The following HYDIN variants were observed in gnomAD, a reference collection of about 807,000 sequenced individuals.
HYDIN encodes the protein axonemal central pair apparatus protein HYDIN.
Under a neutral mutation model 403.9 loss-of-function variants are expected in HYDIN, and 132 were observed. The observed-to-expected ratio is 0.33, with a 90% CI of 0.28 to 0.38. HYDIN has a LOEUF of 0.38. HYDIN is among the 10% of genes least tolerant of loss of function. The pLI, the probability that HYDIN is intolerant of heterozygous loss-of-function variation, is 1.00. For synonymous variants in HYDIN, 1,202 were observed against 1,891.7 expected (o/e 0.64, Z 9.46); for missense variants, 2,827 against 5,009.5 (o/e 0.56, Z 13.15).
At position 70,980,684 on chromosome 16, in the gene HYDIN, G is replaced by A. The variant is rs181214141; in HGVS notation, c.4510+707C>T. Among the ~76,000 whole-genome samples, 142 of 151,956 alleles carry A rather than the reference G, an allele frequency of 9.3e-4. 1 individual carries two copies. The highest frequency in any genetic ancestry group is 3.3e-3 in the African/African-American group (137 of 41,482). On this transcript the variant is annotated intron_variant, in intron 29 of 85. Coordinates refer to ENST00000393567, the MANE Select transcript of HYDIN (RefSeq NM_001270974.2). ...GCTGGGTGGGAGGACTTAGTCTGAA[G>A]CTTTTTAGGGAAAGTAGATTTCAAG...
intron 5 of HYDIN, among the ~76,000 whole-genome samples, chr16:71,169,508 T>A (rs1009617681): frequency 5.3e-5 from 8 of 152,178 alleles, no homozygotes; most frequent in Non-Finnish European, 8.8e-5. Flanking sequence ...GGAAATTCCA[T>A]CATTTGTGAC....
chr16:70,938,135 G>A (rs28617242), intron 44 of HYDIN, among the ~76,000 whole-genome samples: 10,965 of 151,884 alleles, frequency 0.072, 286 homozygotes, highest in African/African-American at 0.25. Flanking sequence ...ACCGCCCAAG[G>A]CCAAGAAGGG....
At chr16:71,102,142 T>C (rs1006961176) in intron 10 of HYDIN, among the ~76,000 whole-genome samples, 7 of 151,950 alleles carry the variant, frequency 4.6e-5, no homozygotes, top group African/African-American at 1.2e-4. Context: ...AAAAGCAGTA[T>C]GAAGAAAACC....
Position 71,177,167 on chromosome 16 carries a change from T to C in HYDIN, c.382-1426A>G, listed in dbSNP as rs531053929. On this transcript the variant is annotated intron_variant, in intron 4 of 85. Transcript: ENST00000393567. ...GTTGGTTATCCATGAGAACTGAGTG[T>C]CTGGCAGACAAAACTCACACGTGCC... Among the ~76,000 whole-genome samples the C allele has an allele frequency of 1.3e-4, 20 of 152,332 alleles. No individual in the cohort carries two copies. The East Asian group carries it at 3.9e-3, about 29-fold the overall frequency.
chr16:71,073,404 T>C (rs537863586), intron 13 of HYDIN, among the ~76,000 whole-genome samples: 53 of 152,318 alleles, frequency 3.5e-4, no homozygotes, highest in Middle Eastern at 3.4e-3. Flanking sequence ...CTGTGATCAT[T>C]ACAATCCGGT....
At chr16:71,195,442 A>AT (rs1320298518) in intron 1 of HYDIN, among the ~76,000 whole-genome samples, 1 of 152,166 alleles carries the variant, frequency 6.6e-6, no homozygotes, top group African/African-American at 2.4e-5. Context: ...CCCAAACACC[A>AT]TTTTCACAAG....
intron 1 of HYDIN, among the ~76,000 whole-genome samples, chr16:71,217,675 C>T (rs889628477): frequency 6.6e-6 from 1 of 152,174 alleles, no homozygotes; most frequent in African/African-American, 2.4e-5. Flanking sequence ...TTAATTGCAC[C>T]AGCAAATAAC....
chr16:70,916,040 G>T (rs1242653592), intron 47 of HYDIN, among the ~76,000 whole-genome samples: 1 of 152,208 alleles, frequency 6.6e-6, no homozygotes, highest in Non-Finnish European at 1.5e-5. Flanking sequence ...GGGCAAGCAG[G>T]GCTGAGAACT....
intron 1 of HYDIN, among the ~76,000 whole-genome samples, chr16:71,212,869 GA>G (rs959477655): frequency 1.1e-4 from 16 of 151,936 alleles, no homozygotes; most frequent in African/African-American, 3.6e-4. Flanking sequence ...ATAAATGGGG[GA>G]AAAAGTCGTA....
intron 25 of HYDIN, among the ~76,000 whole-genome samples, chr16:70,991,091 T>C (rs1567959298): frequency 6.6e-6 from 1 of 152,222 alleles, no homozygotes; most frequent in African/African-American, 2.4e-5. Flanking sequence ...TAAGAAAATA[T>C]TTTTCCTTTA....
chr16:71,150,554 A>G (rs2144572574), intron 7 of HYDIN, among the ~76,000 whole-genome samples: 1 of 151,674 alleles, frequency 6.6e-6, no homozygotes, highest in African/African-American at 2.4e-5. Context: ...AAAATTAAAT[A>G]AAAGATGAGG....
At chr16:71,139,092 G>GAA (rs2085059691) in intron 7 of HYDIN, among the ~76,000 whole-genome samples, 1 of 40,520 alleles carries the variant, frequency 2.5e-5, no homozygotes, top group African/African-American at 6.8e-5. Context: ...CTCAAATAAA[G>GAA]AAGAAAAAAA....
intron 29 of HYDIN, among the ~76,000 whole-genome samples, chr16:70,979,682 G>A (rs1172647414): frequency 6.6e-6 from 1 of 152,108 alleles, no homozygotes. Flanking sequence ...TGTAATCCTA[G>A]CACTTTGGGA....
intron 45 of HYDIN, among the ~76,000 whole-genome samples, chr16:70,931,194 TGTCTC>T (rs1418951105): frequency 6.8e-6 from 1 of 148,134 alleles, no homozygotes; most frequent in Non-Finnish European, 1.5e-5. Flanking sequence ...TTGGGTTTTC[TGTCTC>T]TCTTTCTTCT....
intron 2 of HYDIN, among the ~76,000 whole-genome samples, chr16:71,186,024 G>A (rs886080520): frequency 4.6e-5 from 7 of 152,276 alleles, no homozygotes; most frequent in African/African-American, 1.7e-4. Context: ...GTTAAGAGGT[G>A]TCAGCTATAT....
chr16:71,048,570 G>A (rs2081527826), intron 18 of HYDIN, among the ~76,000 whole-genome samples: 1 of 147,976 alleles, frequency 6.8e-6, no homozygotes, highest in African/African-American at 2.5e-5. Context: ...GTTTTGATAT[G>A]CATGTGAGTT....
At chr16:71,204,093 A>G (rs529643785) in intron 1 of HYDIN, 20 of 191,376 alleles carry the variant, frequency 1.0e-4, no homozygotes, top group African/African-American at 4.7e-4. Context: ...TTTCATTATC[A>G]GGTTCTAAAG....
chr16:70,810,494 G>A (rs1567638525), intron 84 of HYDIN, among the ~76,000 whole-genome samples: 2 of 152,200 alleles, frequency 1.3e-5, no homozygotes, highest in Non-Finnish European at 1.5e-5. Context: ...ACAAATTACA[G>A]TTTTCTCATT....
chr16:70,914,067 TCCATTC>T (rs144332107), intron 47 of HYDIN, among the ~76,000 whole-genome samples: 2 of 151,226 alleles, frequency 1.3e-5, no homozygotes, highest in Non-Finnish European at 3.0e-5. Context: ...TGAATTCTTA[TCCATTC>T]TGCAGTTCTG....
Sources: gnomAD v4.1 joint callset for allele counts (sites outside exome capture counted in the v4.1 genomes callset) on GRCh38, gnomAD v4.1.1 for gene constraint, MANE v1.5 for transcripts, NCBI Gene and HGNC (gene_info 2026-07-23, HGNC 2026-07-21) for gene names.